SBNO1: variants seen among roughly 807,000 people sequenced by gnomAD.
The protein encoded by SBNO1 is protein strawberry notch homolog 1.
Under a neutral mutation model 173.6 loss-of-function variants are expected in SBNO1, and 23 were observed. That is an observed-to-expected ratio of 0.13 (90% CI 0.10 to 0.19). SBNO1 has a LOEUF of 0.19. Ranked by LOEUF, SBNO1 falls within the 10% of genes least tolerant of loss-of-function variation. The probability of loss-of-function intolerance (pLI) is 1.00; values close to 1 mark genes in which losing one functional copy is unlikely to be tolerated. For missense variants in SBNO1, 1,238 were observed against 1,671.2 expected (o/e 0.74, Z 4.52); for synonymous variants, 632 against 571.5 (o/e 1.11, Z -1.51).
intron 30 of SBNO1, among the ~76,000 whole-genome samples, chr12:123,298,676 C>A (rs7955017): frequency 6.6e-6 from 1 of 152,168 alleles, no homozygotes; most frequent in African/African-American, 2.4e-5. Context: ...TTTAAAACCA[C>A]GATTTTTTCA....
At chr12:123,364,451 G>A in intron 1 of SBNO1, 1 of 985,516 alleles carries the variant, frequency 1.0e-6, no homozygotes, top group Non-Finnish European at 1.2e-6. Context: ...AAAGCCCCAC[G>A]AGCGGCGACA....
At chr12:123,335,310 A>C (rs1482096028) in intron 6 of SBNO1, among the ~76,000 whole-genome samples, 4 of 152,156 alleles carry the variant, frequency 2.6e-5, no homozygotes. Context: ...ATGATGGTGC[A>C]CACCTGTAAT....
At chr12:123,321,778 C>T (rs749821685) in intron 16 of SBNO1, 46 bp from the exon 17 acceptor site, 1 of 1,467,224 alleles carries the variant, frequency 6.8e-7, no homozygotes, top group Non-Finnish European at 9.5e-7. Context: ...TTCAATGTTT[C>T]TTAAGATCCA....
At position 123,292,795 on chromosome 12, in the gene SBNO1, T is replaced by C. The variant is rs1461253945; in HGVS notation, c.*3113A>G. ...TGTAAAGAGAAGATACTGAAGTGTC[T>C]AACTGTAATTTAGCAGCAGAAAAAG... On this transcript the variant is annotated 3_prime_UTR_variant, in exon 32 of 32. Coordinates refer to ENST00000602398, the MANE Select transcript of SBNO1 (RefSeq NM_001167856.3). The C allele has an allele frequency of 1.3e-5, 2 of 152,230 alleles. No individual in the cohort carries two copies. Among genetic ancestry groups the C allele is most frequent in the African/African-American group, 4.8e-5 (2 of 41,470 alleles). The allele number at this position is 152,230 out of a possible 1,614,324, so 9.4% of individuals were successfully genotyped here. A position where few individuals can be genotyped will look rare whatever the true frequency, so the allele number is the denominator to read the frequency against.
chr12:123,319,773 T>TA (rs1449596675), intron 20 of SBNO1, 127 bp downstream of exon 20: 2 of 800,214 alleles, frequency 2.5e-6, no homozygotes, highest in African/African-American at 3.5e-5. Context: ...GTACAATTAC[T>TA]AAAAAATACA....
At chr12:123,332,179 A>G (rs1005692979) in intron 7 of SBNO1, among the ~76,000 whole-genome samples, 5 of 152,162 alleles carry the variant, frequency 3.3e-5, no homozygotes, top group Non-Finnish European at 5.9e-5. Flanking sequence ...TATTTACTGT[A>G]TATTATCTCC....
intron 1 of SBNO1, chr12:123,364,375 A>G: frequency 6.1e-6 from 6 of 985,152 alleles, no homozygotes; most frequent in East Asian, 1.1e-4. Context: ...GCCGGCGTGC[A>G]CAGACCCTGC....
chr12:123,298,240 T>C, intron 30 of SBNO1, 69 bp from the exon 31 acceptor site: 1 of 1,428,560 alleles, frequency 7.0e-7, no homozygotes, highest in Non-Finnish European at 9.6e-7. Flanking sequence ...CTAAAAGATT[T>C]ACAAGGTCAA....
intron 1 of SBNO1, among the ~76,000 whole-genome samples, chr12:123,355,060 G>A (rs1016823265): frequency 3.3e-5 from 5 of 151,592 alleles, no homozygotes; most frequent in East Asian, 3.9e-4. Context: ...TTGCTCTGTC[G>A]CCCAGGCTGG....
intron 30 of SBNO1, among the ~76,000 whole-genome samples, chr12:123,299,377 G>GAAAA (rs2048707361): frequency 6.8e-6 from 1 of 146,898 alleles, no homozygotes; most frequent in Non-Finnish European, 1.5e-5. Flanking sequence ...CAAAAAAAAC[G>GAAAA]AAACAAAACA....
At chr12:123,345,599 G>A in intron 3 of SBNO1, 29 bp from the exon 4 acceptor site, 2 of 1,574,956 alleles carry the variant, frequency 1.3e-6, no homozygotes, top group Non-Finnish European at 1.7e-6. Flanking sequence ...ACACACCACT[G>A]AAAAATGCTT....
At chr12:123,333,621 C>T (rs1190252680) in intron 7 of SBNO1, among the ~76,000 whole-genome samples, 3 of 151,846 alleles carry the variant, frequency 2.0e-5, no homozygotes, top group Admixed American at 6.6e-5. Flanking sequence ...CTCAGCTTCC[C>T]GAGAAACTGG....
At position 123,328,848 on chromosome 12, in the gene SBNO1, CT is replaced by C; in HGVS notation, c.1181del (p.Lys394ArgfsTer25). On this transcript the variant is annotated frameshift_variant, in exon 10 of 32. Coordinates refer to ENST00000602398, the MANE Select transcript of SBNO1 (RefSeq NM_001167856.3). LOFTEE classifies it high-confidence loss of function. ...ISSKHNGSVK[K>X]GVIFATYSSL... ...AAGAGTAAGTAGCAAAAATAACACC[CT>C]TTTTCACACTCCCATTATGTTTGGA... The C allele has an allele frequency of 6.2e-7, 1 of 1,603,996 alleles. No homozygotes were observed. Among genetic ancestry groups the C allele is most frequent in the South Asian group, 1.1e-5 (1 of 89,744 alleles).
chr12:123,346,379 T>C (rs1873141433), intron 3 of SBNO1, among the ~76,000 whole-genome samples: 1 of 152,180 alleles, frequency 6.6e-6, no homozygotes, highest in African/African-American at 2.4e-5. Flanking sequence ...AAGAGTCTAC[T>C]ATTGGCCGGG....
chr12:123,338,857 C>T (rs185837847), intron 5 of SBNO1, among the ~76,000 whole-genome samples: 1 of 150,406 alleles, frequency 6.6e-6, no homozygotes, highest in Admixed American at 6.7e-5. Context: ...TGGGTGACAG[C>T]AAGACACCGT....
chr12:123,339,418 T>C (rs1872267165), intron 5 of SBNO1, among the ~76,000 whole-genome samples: 1 of 152,040 alleles, frequency 6.6e-6, no homozygotes, highest in South Asian at 2.1e-4. Context: ...CTTTACTCAG[T>C]CTGCACCCCA....
rs780769541 is a variant in SBNO1, at chr12:123,313,647, G to T, written c.3193C>A (p.Pro1065Thr). 1 of 1,599,528 alleles carries T rather than the reference G, an allele frequency of 6.3e-7. No individual in the cohort carries two copies. Among genetic ancestry groups the T allele is most frequent in the South Asian group, 1.1e-5 (1 of 90,584 alleles). Residue 1065 changes from proline (P) to threonine (T), a missense_variant, in exon 24 of 32, where the codon CCA becomes ACA. Transcript: ENST00000602398. ...NLDSPMVSPP[P>T]DYPGEFFKDV... ...TTAAAAAATTCTCCAGGATAGTCTG[G>T]AGGTGGTGATACCATAGGAGAATCC...
At chr12:123,353,996 G>A (rs1030727109) in intron 1 of SBNO1, among the ~76,000 whole-genome samples, 1 of 152,162 alleles carries the variant, frequency 6.6e-6, no homozygotes, top group Non-Finnish European at 1.5e-5. Flanking sequence ...ATATTCAAAA[G>A]TGTAGAGATG....
chr12:123,331,956 A>G (rs1871266783), intron 7 of SBNO1, among the ~76,000 whole-genome samples: 2 of 151,496 alleles, frequency 1.3e-5, no homozygotes, highest in Admixed American at 6.6e-5. Context: ...TGTTCAAGCT[A>G]TTCTCCTGCT....
Sources: allele counts gnomAD v4.1 joint callset (sites outside exome capture counted in the v4.1 genomes callset), GRCh38; gene constraint gnomAD v4.1.1; transcripts MANE v1.5; gene names NCBI Gene and HGNC (gene_info 2026-07-23, HGNC 2026-07-21).